The following ETFBKMT variants were observed in gnomAD, a reference collection of about 807,000 sequenced individuals.
The protein encoded by ETFBKMT is electron transfer flavoprotein subunit beta lysine methyltransferase, also known as electron transfer flavoprotein beta subunit lysine methyltransferase.
Under a neutral mutation model 18.3 loss-of-function variants are expected in ETFBKMT, and 13 were observed. The ratio of observed to expected loss-of-function variants is 0.71; its 90% confidence interval spans 0.46 to 1.13. The LOEUF is 1.13. ETFBKMT is among the 50% of genes most tolerant of loss of function. The probability of loss-of-function intolerance (pLI) is 0.00; values close to 1 mark genes in which losing one functional copy is unlikely to be tolerated. For missense variants in ETFBKMT, 293 were observed against 306.2 expected (o/e 0.96, Z 0.32); for synonymous variants, 84 against 107.9 (o/e 0.78, Z 1.37).
rs1951282386 is a variant in ETFBKMT at position 31,672,016 on chromosome 12, AAGAAACAG to A, written c.*4028_*4035del. On this transcript the variant is annotated 3_prime_UTR_variant, in exon 4 of 4. Coordinates refer to ENST00000357721, the MANE Select transcript of ETFBKMT (RefSeq NM_001135863.2). ...AAAACAGTTAATTTTAAAGTTATTT[AAGAAACAG>A]AATCCAACACCATAGATCAGAGTTC... 3.9e-6 allele frequency: 1 copy of A among 253,454 alleles called. No individual in the cohort carries two copies. Among genetic ancestry groups the A allele is most frequent in the Non-Finnish European group, 7.5e-6 (1 of 133,446 alleles). 15.7% of individuals were successfully genotyped at this position (253,454 alleles called of 1,614,324 possible).
At chr12:31,664,616 C>CTTTTTT (rs59300091) in intron 2 of ETFBKMT, among the ~76,000 whole-genome samples, 1 of 132,994 alleles carries the variant, frequency 7.5e-6, no homozygotes, top group African/African-American at 2.8e-5. Flanking sequence ...CTTTTTCTTT[C>CTTTTTT]TTTTTTTTTT....
chr12:31,656,426 G>A (rs1340856275), upstream of ETFBKMT, among the ~76,000 whole-genome samples: 2 of 152,138 alleles, frequency 1.3e-5, no homozygotes, highest in African/African-American at 2.4e-5. Context: ...GGCAGGATAG[G>A]TTAAGTCGGG....
At chr12:31,650,491 A>G (rs1423947974) in intron 1 of ETFBKMT, among the ~76,000 whole-genome samples, 1 of 152,114 alleles carries the variant, frequency 6.6e-6, no homozygotes, top group Non-Finnish European at 1.5e-5. Flanking sequence ...TACTTTCTTA[A>G]ACTTGCTTTC....
intron 1 of ETFBKMT, among the ~76,000 whole-genome samples, chr12:31,653,106 G>A (rs1388330046): frequency 6.6e-6 from 1 of 151,924 alleles, no homozygotes; most frequent in Non-Finnish European, 1.5e-5. Context: ...CTACTCAGGA[G>A]CCTGAGGCAG....
chr12:31,651,923 G>T (rs1201629573), intron 1 of ETFBKMT, among the ~76,000 whole-genome samples: 4 of 152,230 alleles, frequency 2.6e-5, no homozygotes, highest in African/African-American at 9.7e-5. Context: ...GAGCTTGCAC[G>T]AGTGAACGCA....
upstream of ETFBKMT, among the ~76,000 whole-genome samples, chr12:31,655,565 T>C (rs1171288234): frequency 6.6e-6 from 1 of 152,206 alleles, no homozygotes; most frequent in Admixed American, 6.5e-5. Flanking sequence ...TGACATCCAT[T>C]ATTCTTCTAC....
chr12:31,666,743 C>T (rs1223646122), intron 3 of ETFBKMT, among the ~76,000 whole-genome samples: 4 of 151,722 alleles, frequency 2.6e-5, no homozygotes, highest in African/African-American at 9.7e-5. Context: ...CTCCGCCTCC[C>T]GGGTTCACAC....
chr12:31,667,594 A>G, intron 3 of ETFBKMT, 53 bp from the exon 4 acceptor site: 2 of 1,231,832 alleles, frequency 1.6e-6, no homozygotes, highest in Middle Eastern at 2.2e-4. Context: ...TCAACATGGA[A>G]TTATAACAGC....
At chr12:31,648,249 C>T (rs73301896) in intron 1 of ETFBKMT, among the ~76,000 whole-genome samples, 2,118 of 152,152 alleles carry the variant, frequency 0.014, 62 homozygotes, top group African/African-American at 0.048. Flanking sequence ...TTCAGGACCC[C>T]TGAGGATATC....
rs1951300070 is a variant in ETFBKMT at position 31,672,483 on chromosome 12, G to A, written c.*4493G>A. On this transcript the variant is annotated 3_prime_UTR_variant, in exon 4 of 4. Transcript: ENST00000357721. Reference sequence around the variant, plus strand: ...TTAATTATTATACAGTTATTTAAAGGATTAAAGGAGGTGATCTATAAAGCA... The same window carrying A: ...TTAATTATTATACAGTTATTTAAAGAATTAAAGGAGGTGATCTATAAAGCA... 1.3e-6 allele frequency: 1 copy of A among 798,672 alleles called. No homozygotes were observed. Among genetic ancestry groups the A allele is most frequent in the Admixed American group, 2.1e-5 (1 of 47,278 alleles). 49.5% of individuals were successfully genotyped at this position (798,672 alleles called of 1,614,324 possible).
chr12:31,672,361 C>G lies in ETFBKMT; in HGVS notation c.*4371C>G. The G allele has an allele frequency of 6.4e-7, 1 of 1,574,260 alleles. No homozygotes were observed. Among genetic ancestry groups the G allele is most frequent in the Non-Finnish European group, 8.6e-7 (1 of 1,157,610 alleles). Reference sequence around the variant, plus strand: ...TGTTTGGGCCTACTAATTGCTCCAACACTTCTCGGGAATGATCTATAAAAG... The same window carrying G: ...TGTTTGGGCCTACTAATTGCTCCAAGACTTCTCGGGAATGATCTATAAAAG... On this transcript the variant is annotated 3_prime_UTR_variant, in exon 4 of 4. Coordinates refer to ENST00000357721, the MANE Select transcript of ETFBKMT (RefSeq NM_001135863.2).
upstream of ETFBKMT, among the ~76,000 whole-genome samples, chr12:31,657,546 C>T (rs1951072426): frequency 6.6e-6 from 1 of 152,064 alleles, no homozygotes; most frequent in Non-Finnish European, 1.5e-5. Context: ...GTAATCCCAA[C>T]ACTTTGGGAG....
chr12:31,651,955 A>G (rs374227124), intron 1 of ETFBKMT, among the ~76,000 whole-genome samples: 1 of 152,232 alleles, frequency 6.6e-6, no homozygotes, highest in Non-Finnish European at 1.5e-5. Flanking sequence ...CGGAGTACAC[A>G]TGTTCAAATT....
At chr12:31,661,219 G>A (rs963361201) in intron 1 of ETFBKMT, among the ~76,000 whole-genome samples, 33 of 152,256 alleles carry the variant, frequency 2.2e-4, no homozygotes, top group African/African-American at 7.7e-4. Flanking sequence ...CTGGAAGCAG[G>A]GGATACCGGA....
At chr12:31,649,243 T>A (rs1424215234) in intron 1 of ETFBKMT, among the ~76,000 whole-genome samples, 1 of 152,170 alleles carries the variant, frequency 6.6e-6, no homozygotes, top group Non-Finnish European at 1.5e-5. Context: ...AGATACAAAT[T>A]TTTTTCCCCA....
intron 2 of ETFBKMT, among the ~76,000 whole-genome samples, chr12:31,663,234 A>G (rs1251146911): frequency 6.6e-6 from 1 of 152,034 alleles, no homozygotes; most frequent in African/African-American, 2.4e-5. Flanking sequence ...CTGGGACTAC[A>G]GGCTCATGCC....
upstream of ETFBKMT, among the ~76,000 whole-genome samples, chr12:31,658,025 G>C (rs1274686044): frequency 6.6e-6 from 1 of 152,174 alleles, no homozygotes; most frequent in African/African-American, 2.4e-5. Flanking sequence ...TGCATCTTCA[G>C]TGATGACTAC....
rs1951219281 is a variant in ETFBKMT at position 31,667,895 on chromosome 12, CA to C, written c.695del (p.His232ProfsTer6). ...GTTCAGTGGACACAGCATTCAGCATCACCTGCACAAAGTGGTAGAATATTCA... is the reference window on the plus strand; with the variant it reads ...GTTCAGTGGACACAGCATTCAGCATCCCTGCACAAAGTGGTAGAATATTCA... ...PQFSGHSIQH[H>X]LHKVVEYSLL... On this transcript the variant is annotated frameshift_variant, in exon 4 of 4. Coordinates refer to ENST00000357721, the MANE Select transcript of ETFBKMT (RefSeq NM_001135863.2). LOFTEE classifies it high-confidence loss of function. 2.5e-6 allele frequency: 4 copies of C among 1,614,188 alleles called. No homozygotes were observed. Among genetic ancestry groups the C allele is most frequent in the Admixed American group, 1.7e-5 (1 of 60,020 alleles).
rs946571318 is a variant in ETFBKMT at position 31,666,213 on chromosome 12, C to A, written c.441C>A (p.Asp147Glu). 1 of 1,606,112 alleles carries A rather than the reference C, an allele frequency of 6.2e-7. No individual in the cohort carries two copies. Among genetic ancestry groups the A allele is most frequent in the Admixed American group, 1.7e-5 (1 of 57,170 alleles). ...GASRILANDI[D>E]PIAGMAITLN... ...CAAGGATCTTGGCCAATGACATAGA[C>A]CCTAGTAAGGATTCATATTTTAAAA... The change falls in exon 3 of 4, where the codon GAC (aspartate) becomes GAA (glutamate). Residue 147 changes from aspartate to glutamate, a missense_variant. Coordinates refer to ENST00000357721, the MANE Select transcript of ETFBKMT (RefSeq NM_001135863.2).
Sources: allele counts gnomAD v4.1 joint callset (sites outside exome capture counted in the v4.1 genomes callset), GRCh38; gene constraint gnomAD v4.1.1; transcripts MANE v1.5; gene names NCBI Gene and HGNC (gene_info 2026-07-23, HGNC 2026-07-21).